FES: variants seen among roughly 807,000 people sequenced by gnomAD.
FES encodes the protein tyrosine-protein kinase Fes/Fps.
Under a neutral mutation model 109.6 loss-of-function variants are expected in FES, and 83 were observed. The observed-to-expected ratio is 0.76, with a 90% CI of 0.63 to 0.91. The LOEUF is 0.91. Among genes scored for constraint, FES ranks in the 40% least tolerant of loss-of-function variants. FES has a pLI of 0.00. For missense variants in FES, 943 were observed against 1,070.9 expected, an observed-to-expected ratio of 0.88 and a Z score of 1.67; for synonymous variants, 458 against 442.1, an observed-to-expected ratio of 1.04 and a Z score of -0.45.
chr15:90,890,996 G>A lies in FES; in HGVS notation c.1335G>A (p.Leu445=). ...FRPKFSLPPP[L]QLIPEVQKPL... The stretch of plus-strand genomic sequence containing the variant: ...CCCTTGCCCAGCTCCCTCCACCGCT[G>A]CAGCTCATTCCGGAGGTGCAGAAGC... The change falls in exon 11 of 19, where the codon CTG becomes CTA. Residue 445 remains leucine (L), a synonymous_variant. Transcript: ENST00000328850. 1.9e-6 allele frequency: 3 copies of A among 1,588,284 alleles called. No homozygotes were observed. In the African/African-American group the frequency reaches 4.0e-5, roughly 21 times the overall value.
rs535423583 is a variant in FES, at chr15:90,890,334, C to T, written c.1236+56C>T. 157 of 1,592,054 alleles carry T rather than the reference C, an allele frequency of 9.9e-5. 2 individuals are homozygous for T. The South Asian group carries it at 1.5e-3, about 16-fold the overall frequency. Reference sequence around the variant, plus strand: ...CCACCGGCCTGCCCACCTGGGGCTGCGCTCCTCATTTTCGCCCTCCCCCTC... The same window carrying T: ...CCACCGGCCTGCCCACCTGGGGCTGTGCTCCTCATTTTCGCCCTCCCCCTC... On this transcript the variant is annotated intron_variant, in intron 9 of 18. Transcript: ENST00000328850.
In FES at chr15:90,889,231, A is replaced by G. The variant is rs1272090485; in HGVS notation, c.669-75A>G. On this transcript the variant is annotated intron_variant, in intron 5 of 18. Transcript: ENST00000328850. The surrounding 1 kb of genome is among the most constrained non-coding windows in gnomAD (Gnocchi z 6.1). ...CAACCCCAGCCCTGACTCCAAACCC[A>G]GGGTCCTAGGCCTGAACTGCCCAGC... The G allele has an allele frequency of 1.3e-6, 2 of 1,570,396 alleles. No individual in the cohort carries two copies. Among genetic ancestry groups the G allele is most frequent in the Non-Finnish European group, 1.7e-6 (2 of 1,156,796 alleles).
At position 90,892,815 on chromosome 15, in the gene FES, C is replaced by T. The variant is rs2033352368; in HGVS notation, c.1816C>T (p.Gln606Ter). The T allele has an allele frequency of 6.2e-7, 1 of 1,613,580 alleles. No homozygotes were observed. Among genetic ancestry groups the T allele is most frequent in the Non-Finnish European group, 8.5e-7 (1 of 1,179,788 alleles). ...LPPDLKAKFL[Q>*]EARILKQYSH... ...ACCTGACCTCAAGGCCAAGTTTCTA[C>T]AGGAAGCGAGGTGGGTGATAAACTA... The change falls in exon 14 of 19, where the codon CAG becomes TAG. Residue 606 changes from glutamine to a stop codon, truncating the protein, a stop_gained. Coordinates refer to ENST00000328850, the MANE Select transcript of FES (RefSeq NM_002005.4). LOFTEE classifies it high-confidence loss of function.
intron 11 of FES, 150 bp downstream of exon 11, chr15:90,891,341 C>A: frequency 2.7e-6 from 3 of 1,114,024 alleles, no homozygotes; most frequent in South Asian, 1.5e-5. Flanking sequence ...CAGAGACCAC[C>A]CTGTCCCTGC....
chr15:90,889,916 C>T lies in FES; in HGVS notation c.1003C>T (p.Gln335Ter), dbSNP rs763115688. The T allele has an allele frequency of 3.7e-6, 6 of 1,613,432 alleles. No homozygotes were observed. The highest frequency in any genetic ancestry group is 1.3e-5 in the African/African-American group (1 of 74,818). ...FRRQEMVTQL[Q>*]QELRNEEENT... Reference sequence around the variant, plus strand: ...GCGGCAGGAGATGGTTACGCAGCTGCAACAGGAGCTCCGGAATGAAGAGGA... The same window carrying T: ...GCGGCAGGAGATGGTTACGCAGCTGTAACAGGAGCTCCGGAATGAAGAGGA... Residue 335 changes from glutamine (Q) to a stop codon, truncating the protein, a stop_gained, in exon 8 of 19, where the codon CAA (glutamine) becomes TAA (stop). Transcript: ENST00000328850. LOFTEE classifies it high-confidence loss of function. The surrounding 1 kb of genome is among the most constrained non-coding windows in gnomAD (Gnocchi z 6.1).
chr15:90,891,925 C>A, intron 12 of FES, 133 bp from the exon 13 acceptor site: 1 of 1,170,222 alleles, frequency 8.5e-7, no homozygotes, highest in Non-Finnish European at 1.2e-6. Flanking sequence ...CCGTAGTCAT[C>A]TCAGTGTGCT....
chr15:90,886,114 G>T (rs756945573), intron 3 of FES, among the ~76,000 whole-genome samples: 76 of 152,344 alleles, frequency 5.0e-4, no homozygotes, highest in Non-Finnish European at 9.7e-4. Flanking sequence ...CCCCCATTCA[G>T]TGTGCTGGTC....
Position 90,886,966 on chromosome 15 carries a change from C to T in FES, c.393C>T (p.His131=). ...GGCCTCTCCTCTCTCCCTAGACCCACAGCCAGGACATTGAGAAGCTGAAGA... is the reference window on the plus strand; with the variant it reads ...GGCCTCTCCTCTCTCCCTAGACCCATAGCCAGGACATTGAGAAGCTGAAGA... ...QQLQQELTKT[H]SQDIEKLKSQ... The change falls in exon 4 of 19, where the codon CAC becomes CAT. Residue 131 remains histidine (H), a synonymous_variant. Coordinates refer to ENST00000328850, the MANE Select transcript of FES (RefSeq NM_002005.4). 1.2e-6 allele frequency: 2 copies of T among 1,614,158 alleles called. No homozygotes were observed. Among genetic ancestry groups the T allele is most frequent in the Non-Finnish European group, 1.7e-6 (2 of 1,180,014 alleles).
Position 90,891,584 on chromosome 15 carries a change from C to A in FES, c.1561C>A (p.Pro521Thr). 6.2e-7 allele frequency: 1 copy of A among 1,613,834 alleles called. No homozygotes were observed. Reference sequence around the variant, plus strand: ...GTACCGACTGGAAGGGGAAGGCTTTCCTAGCATTCCTTTGCTCATCGACCA... The same window carrying A: ...GTACCGACTGGAAGGGGAAGGCTTTACTAGCATTCCTTTGCTCATCGACCA... ...NLYRLEGEGF[P>T]SIPLLIDHLL... Residue 521 changes from proline to threonine, a missense_variant, in exon 12 of 19, where the codon CCT (proline) becomes ACT (threonine). By Grantham distance (38) the Pro-to-Thr change is conservative (BLOSUM62 -1). Coordinates refer to ENST00000328850, the MANE Select transcript of FES (RefSeq NM_002005.4).
rs2032987566 is a variant in FES, at chr15:90,889,495, G to C, written c.807-22G>C. 6.2e-7 allele frequency: 1 copy of C among 1,613,770 alleles called. No individual in the cohort carries two copies. Among genetic ancestry groups the C allele is most frequent in the Admixed American group, 1.7e-5 (1 of 60,010 alleles). On this transcript the variant is annotated intron_variant, in intron 6 of 18. Coordinates refer to ENST00000328850, the MANE Select transcript of FES (RefSeq NM_002005.4). This position sits in a 1 kb window ranked among gnomAD's most constrained non-coding sequence, Gnocchi z 6.1. ...GCCCAGGGCTGCTGGCCTGTCCACT[G>C]ACGGGGCGCTGTCCCCCACAGGTCC...
chr15:90,887,440 G>A (rs1179140973), intron 5 of FES, 70 bp downstream of exon 5: 26 of 1,452,776 alleles, frequency 1.8e-5, no homozygotes, highest in Non-Finnish European at 2.4e-5. Context: ...AGGCCCAGAG[G>A]CAGGACCCAG....
intron 10 of FES, 21 bp downstream of exon 10, chr15:90,890,505 G>A (rs2033110269): frequency 1.2e-6 from 2 of 1,603,770 alleles, no homozygotes; most frequent in Non-Finnish European, 8.5e-7. Context: ...CCCAGCCTGG[G>A]CCCCCCTACT....
chr15:90,889,022 C>T lies in FES; in HGVS notation c.669-284C>T, dbSNP rs2032938574. Reference sequence around the variant, plus strand: ...AGCCAGGCTGGTCTCGAACTGACCTCAGGCAATCCACCCGCCTCGACCTCC... The same window carrying T: ...AGCCAGGCTGGTCTCGAACTGACCTTAGGCAATCCACCCGCCTCGACCTCC... On this transcript the variant is annotated intron_variant, in intron 5 of 18. Coordinates refer to ENST00000328850, the MANE Select transcript of FES (RefSeq NM_002005.4). The surrounding 1 kb of genome is among the most constrained non-coding windows in gnomAD (Gnocchi z 6.1). 6.6e-6 allele frequency among the ~76,000 whole-genome samples: 1 copy of T among 152,176 alleles called. No individual in the cohort carries two copies.
chr15:90,891,218 C>G, intron 11 of FES, 27 bp downstream of exon 11: 1 of 1,545,634 alleles, frequency 6.5e-7, no homozygotes, highest in Non-Finnish European at 8.7e-7. Context: ...CCCGAGCCTT[C>G]CAGGCCTCAC....
chr15:90,889,212 C>G lies in FES; in HGVS notation c.669-94C>G. On this transcript the variant is annotated intron_variant, in intron 5 of 18. Coordinates refer to ENST00000328850, the MANE Select transcript of FES (RefSeq NM_002005.4). This position sits in a 1 kb window ranked among gnomAD's most constrained non-coding sequence, Gnocchi z 6.1. ...CTCGAAGTGAGGCAGGGGTCAACCC[C>G]AGCCCTGACTCCAAACCCAGGGTCC... is the stretch of plus-strand genomic sequence containing the variant. 6.5e-7 allele frequency: 1 copy of G among 1,536,874 alleles called. No homozygotes were observed. The highest frequency in any genetic ancestry group is 1.4e-5 in the African/African-American group (1 of 73,392).
intron 18 of FES, among the ~76,000 whole-genome samples, chr15:90,894,867 C>T (rs1260655364): frequency 6.6e-6 from 1 of 152,142 alleles, no homozygotes; most frequent in Non-Finnish European, 1.5e-5. Context: ...AGGAGTTTGA[C>T]ACTAGCCTGG....
chr15:90,891,864 G>A (rs530732369), intron 12 of FES, among the ~76,000 whole-genome samples, 188 bp downstream of exon 12: 1 of 152,358 alleles, frequency 6.6e-6, no homozygotes, highest in East Asian at 1.9e-4. Flanking sequence ...CTATGCCATG[G>A]GCTGTACACA....
At chr15:90,885,636 T>G (rs1388368579) in intron 3 of FES, 51 bp downstream of exon 3, 1 of 1,579,166 alleles carries the variant, frequency 6.3e-7, no homozygotes, top group Admixed American at 1.9e-5. Flanking sequence ...ATTTTGAGCC[T>G]CGAAGGGGTT....
At chr15:90,885,379 C>T (rs1442018391) in intron 2 of FES, 33 bp from the exon 3 acceptor site, 6 of 1,598,570 alleles carry the variant, frequency 3.8e-6, no homozygotes, top group Non-Finnish European at 5.1e-6. Context: ...CCATTGTGCC[C>T]CCCTCCCTGC....
Sources: allele counts gnomAD v4.1 joint callset (sites outside exome capture counted in the v4.1 genomes callset), GRCh38; gene constraint gnomAD v4.1.1; non-coding constraint Gnocchi (gnomAD v3.1); transcripts MANE v1.5; gene names NCBI Gene and HGNC (gene_info 2026-07-23, HGNC 2026-07-21).